PRDM2: variants seen among roughly 807,000 people sequenced by gnomAD.
PRDM2 encodes the protein PR/SET domain 2, also known as PR domain zinc finger protein 2.
In PRDM2, 30 loss-of-function variants were observed where a neutral mutation model predicts 130.0. The ratio of observed to expected loss-of-function variants is 0.23; its 90% CI spans 0.17 to 0.31. The LOEUF is 0.31. PRDM2 is among the 10% of genes least tolerant of loss of function. PRDM2 has a pLI of 1.00. For missense variants in PRDM2, 2,011 were observed against 2,108.4 expected, an observed-to-expected ratio of 0.95 and a Z score of 0.90; for synonymous variants, 871 against 782.4, an observed-to-expected ratio of 1.11 and a Z score of -1.89.
intron 8 of PRDM2, among the ~76,000 whole-genome samples, chr1:13,798,594 T>C (rs1269761976): frequency 1.3e-5 from 2 of 152,224 alleles, no homozygotes; most frequent in Non-Finnish European, 2.9e-5. Flanking sequence ...ATTCGAGTCC[T>C]TACAGGCTGT....
rs1644547249 is a variant in PRDM2, at chr1:13,779,120, C to T, written c.1325C>T (p.Ser442Leu). The T allele has an allele frequency of 1.9e-6, 3 of 1,614,172 alleles. No individual in the cohort carries two copies. Among genetic ancestry groups the T allele is most frequent in the Non-Finnish European group, 2.5e-6 (3 of 1,180,030 alleles). ...DGKASGENVA[S>L]KDDSSPPSLG... is the part of the protein sequence containing the mutation. ...AAAGCATCTGGAGAAAACGTTGCTT[C>T]AAAAGATGATTCGAGTCCTCCCAGT... Residue 442 changes from serine (S) to leucine (L), a missense_variant, in exon 8 of 10, where the codon TCA becomes TTA. Coordinates refer to ENST00000311066, the MANE Select transcript of PRDM2 (RefSeq NM_001393986.1). The surrounding 1 kb of genome is among the most constrained non-coding windows in gnomAD (Gnocchi z 4.9).
intron 8 of PRDM2, among the ~76,000 whole-genome samples, chr1:13,811,353 C>A (rs1645169962): frequency 6.6e-6 from 1 of 152,154 alleles, no homozygotes; most frequent in Non-Finnish European, 1.5e-5. Context: ...ATCACCATAA[C>A]CCACAGGAAG....
chr1:13,752,341 T>C (rs1472249560), intron 6 of PRDM2, among the ~76,000 whole-genome samples: 1 of 152,238 alleles, frequency 6.6e-6, no homozygotes, highest in East Asian at 1.9e-4. Flanking sequence ...AGATTTGTAA[T>C]TGAGCTTCAC....
intron 8 of PRDM2, chr1:13,787,088 A>T: frequency 2.0e-6 from 2 of 985,516 alleles, no homozygotes; most frequent in Non-Finnish European, 1.2e-6. Context: ...AATCACAAGT[A>T]GATTGCCAGC....
intron 4 of PRDM2, among the ~76,000 whole-genome samples, chr1:13,741,611 G>T (rs996246114): frequency 1.3e-5 from 2 of 152,102 alleles, no homozygotes; most frequent in Non-Finnish European, 2.9e-5. Flanking sequence ...ACTGCAAGCT[G>T]TTTTCCTTTC....
intron 1 of PRDM2, among the ~76,000 whole-genome samples, chr1:13,712,456 C>T (rs906416283): frequency 2.0e-5 from 3 of 152,308 alleles, no homozygotes; most frequent in Non-Finnish European, 4.4e-5. Flanking sequence ...CAGCTCCATC[C>T]TCCCATGCCC....
At chr1:13,768,340 C>T (rs995170228) in intron 6 of PRDM2, among the ~76,000 whole-genome samples, 2 of 151,632 alleles carry the variant, frequency 1.3e-5, no homozygotes, top group East Asian at 3.9e-4. Flanking sequence ...ACCTTAGCCT[C>T]CCAAAGTGCT....
chr1:13,732,933 T>C (rs1467022478), intron 4 of PRDM2, 51 bp downstream of exon 4: 1 of 1,212,194 alleles, frequency 8.2e-7, no homozygotes, highest in South Asian at 1.4e-5. Flanking sequence ...GAAATAATTA[T>C]TCTGTTCTCT....
At chr1:13,717,285 C>T (rs1261327226) in intron 2 of PRDM2, 3 of 263,446 alleles carry the variant, frequency 1.1e-5, no homozygotes, top group Middle Eastern at 1.8e-3. Context: ...AAGTTATACT[C>T]ATATATATTT....
At chr1:13,709,953 A>C (rs1642318741) in intron 1 of PRDM2, among the ~76,000 whole-genome samples, 1 of 152,208 alleles carries the variant, frequency 6.6e-6, no homozygotes, top group Non-Finnish European at 1.5e-5. Context: ...AGTGATCCTA[A>C]AGAAAATTGT....
chr1:13,721,588 TCTA>T (rs1320051683), intron 2 of PRDM2, among the ~76,000 whole-genome samples: 4 of 152,186 alleles, frequency 2.6e-5, no homozygotes, highest in African/African-American at 9.6e-5. Context: ...AATCATGTAT[TCTA>T]CTAGATAAAT....
intron 5 of PRDM2, among the ~76,000 whole-genome samples, chr1:13,746,288 G>C (rs568666071): frequency 1.2e-3 from 182 of 151,442 alleles, no homozygotes; most frequent in Middle Eastern, 0.01. Context: ...TTGTTGAAGG[G>C]AGTAGTTTTT....
At chr1:13,720,686 G>T (rs1205002180) in intron 2 of PRDM2, among the ~76,000 whole-genome samples, 1 of 152,170 alleles carries the variant, frequency 6.6e-6, no homozygotes, top group African/African-American at 2.4e-5. Flanking sequence ...AGTGCTTTCC[G>T]TTCAGTAAGT....
At chr1:13,783,187 G>A (rs1164383943) in intron 8 of PRDM2, 4 of 525,906 alleles carry the variant, frequency 7.6e-6, no homozygotes, top group Middle Eastern at 3.2e-4. Flanking sequence ...CTTATTTTCC[G>A]ATCATAGAAC....
chr1:13,786,578 C>T, intron 8 of PRDM2: 1 of 1,603,298 alleles, frequency 6.2e-7, no homozygotes, highest in Non-Finnish European at 8.5e-7. Context: ...GTATTGCATG[C>T]TCAACTTAGG....
chr1:13,815,458 G>A (rs1645242514), intron 8 of PRDM2, among the ~76,000 whole-genome samples: 1 of 152,138 alleles, frequency 6.6e-6, no homozygotes, highest in African/African-American at 2.4e-5. Flanking sequence ...ACAATGAACA[G>A]GACAAAGATC....
chr1:13,814,832 C>T (rs1645232013), intron 8 of PRDM2, among the ~76,000 whole-genome samples: 1 of 152,202 alleles, frequency 6.6e-6, no homozygotes, highest in African/African-American at 2.4e-5. Context: ...TTTGTCCCTC[C>T]TGCTTTCCTA....
chr1:13,780,879 C>T lies in PRDM2; in HGVS notation c.3084C>T (p.Ser1028=). 1 of 1,612,854 alleles carries T rather than the reference C, an allele frequency of 6.2e-7. No homozygotes were observed. The highest frequency in any genetic ancestry group is 8.5e-7 in the Non-Finnish European group (1 of 1,179,166). ...SPLPILSPTV[S]PSPSPIPPVE... ...TTCCAATTCTGTCCCCAACAGTGTCCCCCTCTCCCTCTCCCATTCCTCCCG... is the reference window on the plus strand; with the variant it reads ...TTCCAATTCTGTCCCCAACAGTGTCTCCCTCTCCCTCTCCCATTCCTCCCG... Residue 1028 remains serine (S), a synonymous_variant, in exon 8 of 10, where the codon TCC becomes TCT. Transcript: ENST00000311066.
rs1331659539 is a variant in PRDM2 at position 13,806,840 on chromosome 1, G to A, written c.5037-9587G>A. ...GAAGGCCTATGAGACCCTCCCCTCT[G>A]CCCACATCACCTCAGACATTCCTGG... On this transcript the variant is annotated intron_variant, in intron 8 of 9. Transcript: ENST00000311066. This position sits in a 1 kb window ranked among gnomAD's most constrained non-coding sequence, Gnocchi z 4.1. Among the ~76,000 whole-genome samples the A allele has an allele frequency of 6.6e-6, 1 of 152,126 alleles. No homozygotes were observed. The highest frequency in any genetic ancestry group is 1.9e-4 in the East Asian group (1 of 5,186).
Sources: gnomAD v4.1 joint callset for allele counts (sites outside exome capture counted in the v4.1 genomes callset) on GRCh38, gnomAD v4.1.1 for gene constraint, Gnocchi (gnomAD v3.1) non-coding constraint, MANE v1.5 for transcripts, NCBI Gene and HGNC (gene_info 2026-07-23, HGNC 2026-07-21) for gene names.